FAM222B: variants seen among roughly 807,000 people sequenced by gnomAD.
FAM222B encodes the protein protein FAM222B.
A neutral mutation model predicts 38.0 loss-of-function variants in FAM222B; 12 were observed. The ratio of observed to expected loss-of-function variants is 0.32; its 90% CI spans 0.20 to 0.51. The LOEUF is 0.51. Among genes scored for constraint, FAM222B ranks in the 20% least tolerant of loss-of-function variants. FAM222B has a pLI of 0.97. For missense variants in FAM222B, 716 were observed against 754.2 expected, an observed-to-expected ratio of 0.95 and a Z score of 0.59; for synonymous variants, 329 against 317.2, an observed-to-expected ratio of 1.04 and a Z score of -0.40.
At chr17:28,850,850 G>A (rs2039176133) in intron 1 of FAM222B, among the ~76,000 whole-genome samples, 2 of 152,128 alleles carry the variant, frequency 1.3e-5, no homozygotes, top group Non-Finnish European at 2.9e-5. Context: ...GCCAGGCATG[G>A]CAGCTCACAC....
intron 1 of FAM222B, among the ~76,000 whole-genome samples, chr17:28,789,997 G>A (rs1450422279): frequency 6.6e-6 from 1 of 152,160 alleles, no homozygotes; most frequent in Non-Finnish European, 1.5e-5. Context: ...TAAGGTGTTA[G>A]TTTGGGGAGT....
In FAM222B at chr17:28,759,286, G is replaced by C. The variant is rs2034927546; in HGVS notation, c.673C>G (p.Pro225Ala). 2 of 1,612,974 alleles carry C rather than the reference G, an allele frequency of 1.2e-6. No individual in the cohort carries two copies. Among genetic ancestry groups the C allele is most frequent in the South Asian group, 1.1e-5 (1 of 90,858 alleles). Residue 225 changes from proline to alanine, a missense_variant, in exon 3 of 3, where the codon CCC becomes GCC. By Grantham distance (27) the Pro-to-Ala change is conservative. Coordinates refer to ENST00000581407, the MANE Select transcript of FAM222B (RefSeq NM_001077498.3). The surrounding 1 kb of genome is among the most constrained non-coding windows in gnomAD (Gnocchi z 4.8). ...ATCTTCCGGCCTCCATGCAGCAAGG[G>C]ATTGTGGGGGTGCTGGAGACCCTGG... The part of the protein sequence containing the change: ...AHQGLQHPHN[P>A]LLHGGRKMPD...
intron 1 of FAM222B, among the ~76,000 whole-genome samples, chr17:28,810,476 GCTAACTTTGTTTTA>G: frequency 6.7e-6 from 1 of 149,506 alleles, no homozygotes; most frequent in South Asian, 2.1e-4. Context: ...TTATATACTA[GCTAACTTTGTTTTA>G]TATACTAGCT....
At position 28,793,249 on chromosome 17, in the gene FAM222B, T is replaced by C. The variant is rs774459825; in HGVS notation, c.-40-26542A>G. Among the ~76,000 whole-genome samples the C allele has an allele frequency of 3.9e-5, 6 of 152,186 alleles. No individual in the cohort carries two copies. In the South Asian group the frequency reaches 1.2e-3, roughly 31 times the overall value. ...CCATGCCCACCCCATGTTCACATTT[T>C]AGTAAGAGTTTCTCAAGGTCCTTCC... is the stretch of plus-strand genomic sequence containing the variant. On this transcript the variant is annotated intron_variant, in intron 1 of 2. Coordinates refer to ENST00000581407, the MANE Select transcript of FAM222B (RefSeq NM_001077498.3).
rs2091501665 is a variant in FAM222B, at chr17:28,757,969, C to G, written c.*301G>C. 1 of 290,908 alleles carries G rather than the reference C, an allele frequency of 3.4e-6. No homozygotes were observed. Among genetic ancestry groups the G allele is most frequent in the African/African-American group, 2.2e-5 (1 of 46,238 alleles). The allele number at this position is 290,908 out of a possible 1,614,324, so 18.0% of individuals were successfully genotyped here. A position where few individuals can be genotyped will look rare whatever the true frequency, so the allele number is the denominator to read the frequency against. ...GTCCTAAGGGAAACAGGAAGAGATT[C>G]AAGAAAAGATGGGTGGGAGCTGGCT... On this transcript the variant is annotated 3_prime_UTR_variant, in exon 3 of 3. Coordinates refer to ENST00000581407, the MANE Select transcript of FAM222B (RefSeq NM_001077498.3).
At chr17:28,833,740 T>C (rs2038747975) in intron 1 of FAM222B, among the ~76,000 whole-genome samples, 2 of 151,408 alleles carry the variant, frequency 1.3e-5, no homozygotes, top group Non-Finnish European at 2.9e-5. Context: ...CTCAAAAAGA[T>C]ACGAATGAAC....
At chr17:28,814,734 T>G (rs2037946079) in intron 1 of FAM222B, among the ~76,000 whole-genome samples, 1 of 150,990 alleles carries the variant, frequency 6.6e-6, no homozygotes, top group South Asian at 2.1e-4. Flanking sequence ...CCCAAAGTGC[T>G]GGGATTACAG....
At chr17:28,819,430 T>A (rs1401815559) in intron 1 of FAM222B, among the ~76,000 whole-genome samples, 1 of 152,178 alleles carries the variant, frequency 6.6e-6, no homozygotes, top group Non-Finnish European at 1.5e-5. Flanking sequence ...TTTTGTTAGG[T>A]AGTGGTGGAA....
chr17:28,825,994 G>A (rs1339229419), intron 1 of FAM222B, among the ~76,000 whole-genome samples: 2 of 151,984 alleles, frequency 1.3e-5, no homozygotes, highest in African/African-American at 4.8e-5. Context: ...GGCTGGTCTT[G>A]AACTCCTGGC....
At chr17:28,803,043 C>T (rs2037312371) in intron 1 of FAM222B, among the ~76,000 whole-genome samples, 2 of 151,996 alleles carry the variant, frequency 1.3e-5, no homozygotes, top group Admixed American at 1.3e-4. Context: ...GAGTCCCACT[C>T]TGTTGCCTAG....
At chr17:28,772,027 A>T (rs1049395066) in intron 1 of FAM222B, among the ~76,000 whole-genome samples, 1 of 152,208 alleles carries the variant, frequency 6.6e-6, no homozygotes, top group African/African-American at 2.4e-5. Context: ...ACTGAGCTCC[A>T]GCCTGGGCAA....
At chr17:28,805,491 T>A (rs1235571101) in intron 1 of FAM222B, among the ~76,000 whole-genome samples, 1 of 151,574 alleles carries the variant, frequency 6.6e-6, no homozygotes, top group Non-Finnish European at 1.5e-5. Context: ...GCCGAGATCA[T>A]GCCACTGAAC....
chr17:28,820,270 C>T (rs965555924), intron 1 of FAM222B, among the ~76,000 whole-genome samples: 4 of 152,140 alleles, frequency 2.6e-5, no homozygotes, highest in African/African-American at 4.8e-5. Flanking sequence ...AAATTTAGTT[C>T]AACAGATTCA....
chr17:28,842,783 T>C lies in FAM222B; in HGVS notation c.-142A>G, dbSNP rs2039094212. ...GGCCCCTCAGTCACCGGCGCAGCTG[T>C]GGGGACTACCCGGAGCCGCTCCTGC... On this transcript the variant is annotated 5_prime_UTR_variant, in exon 1 of 3. Transcript: ENST00000581407. 1 of 153,238 alleles carries C rather than the reference T, an allele frequency of 6.5e-6. No homozygotes were observed. Among genetic ancestry groups the C allele is most frequent in the African/African-American group, 2.4e-5 (1 of 41,432 alleles). The allele number at this position is 153,238 out of a possible 1,614,324, so 9.5% of individuals were successfully genotyped here. A position where few individuals can be genotyped will look rare whatever the true frequency, so the allele number is the denominator to read the frequency against.
chr17:28,816,567 T>C (rs533454691), intron 1 of FAM222B, among the ~76,000 whole-genome samples: 8 of 150,896 alleles, frequency 5.3e-5, no homozygotes, highest in Non-Finnish European at 7.4e-5. Context: ...AAAAAATAAA[T>C]AAAATGTAAC....
rs941453112 is a variant in FAM222B at position 28,756,712 on chromosome 17, A to G, written c.*1558T>C. The G allele has an allele frequency of 6.6e-6, 1 of 152,518 alleles. No homozygotes were observed. Among genetic ancestry groups the G allele is most frequent in the Non-Finnish European group, 1.5e-5 (1 of 68,020 alleles). 9.4% of individuals were successfully genotyped at this position (152,518 alleles called of 1,614,324 possible). A position where few individuals can be genotyped will look rare whatever the true frequency, so the allele number is the denominator to read the frequency against. ...GGACTTCATGTTGCTATCATTTGGCATAACACAATCAGGCTTTTTTTTTTT... is the reference window on the plus strand; with the variant it reads ...GGACTTCATGTTGCTATCATTTGGCGTAACACAATCAGGCTTTTTTTTTTT... On this transcript the variant is annotated 3_prime_UTR_variant, in exon 3 of 3. Transcript: ENST00000581407.
chr17:28,807,370 G>C (rs946172075), intron 1 of FAM222B, among the ~76,000 whole-genome samples: 1 of 151,536 alleles, frequency 6.6e-6, no homozygotes, highest in East Asian at 1.9e-4. Flanking sequence ...GCTTGTTTTT[G>C]TGTGTGTGTT....
chr17:28,762,313 C>T (rs764656291), intron 2 of FAM222B, among the ~76,000 whole-genome samples: 1 of 152,078 alleles, frequency 6.6e-6, no homozygotes, highest in Non-Finnish European at 1.5e-5. Flanking sequence ...CCTCACATAC[C>T]AGACTTAAGC....
upstream of FAM222B, among the ~76,000 whole-genome samples, chr17:28,847,023 A>G (rs1321758279): frequency 6.6e-6 from 1 of 151,878 alleles, no homozygotes; most frequent in Non-Finnish European, 1.5e-5. Context: ...CAGGAGTTCG[A>G]GACCAGCCTG....
Sources: gnomAD v4.1 joint callset for allele counts (sites outside exome capture counted in the v4.1 genomes callset) on GRCh38, gnomAD v4.1.1 for gene constraint, Gnocchi (gnomAD v3.1) non-coding constraint, MANE v1.5 for transcripts, NCBI Gene and HGNC (gene_info 2026-07-23, HGNC 2026-07-21) for gene names.